Variants in SRSF11 observed in about 807,000 individuals in gnomAD.
SRSF11 encodes the protein serine and arginine rich splicing factor 11, also known as serine/arginine-rich splicing factor 11.
A neutral mutation model predicts 56.0 loss-of-function variants in SRSF11; 9 were observed. That is an observed-to-expected ratio of 0.16 (90% CI 0.10 to 0.28). The LOEUF is 0.28. Among genes scored for constraint, SRSF11 ranks in the 10% least tolerant of loss-of-function variants. SRSF11 has a pLI of 1.00. For synonymous variants in SRSF11, 222 were observed against 215.3 expected (o/e 1.03, Z -0.27); for missense variants, 421 against 600.7 (o/e 0.70, Z 3.13).
At chr1:70,230,816 A>AAT in intron 2 of SRSF11, 8 of 1,177,738 alleles carry the variant, frequency 6.8e-6, no homozygotes, top group Non-Finnish European at 7.4e-6. Flanking sequence ...GTTGATACTG[A>AAT]ATATATCCTC....
chr1:70,243,730 A>T (rs1676085328), intron 7 of SRSF11, among the ~76,000 whole-genome samples: 1 of 152,166 alleles, frequency 6.6e-6, no homozygotes, highest in Non-Finnish European at 1.5e-5. Context: ...TAAGCAAAGG[A>T]TTGCAACTTA....
chr1:70,224,370 C>T (rs1397898319), intron 1 of SRSF11, among the ~76,000 whole-genome samples: 1 of 152,166 alleles, frequency 6.6e-6, no homozygotes, highest in Non-Finnish European at 1.5e-5. Context: ...TCAGAGAAAA[C>T]TTCCCAGACC....
chr1:70,229,926 G>A lies in SRSF11; in HGVS notation c.337+1371G>A, dbSNP rs575780265. The A allele has an allele frequency of 1.1e-4, 107 of 985,310 alleles. No homozygotes were observed. In the African/African-American group the frequency reaches 1.7e-3, roughly 16 times the overall value. 61.0% of individuals were successfully genotyped at this position (985,310 alleles called of 1,614,324 possible). On this transcript the variant is annotated intron_variant, in intron 2 of 11. Coordinates refer to ENST00000370949, the MANE Select transcript of SRSF11 (RefSeq NM_001350605.2). Reference sequence around the variant, plus strand: ...ATAAATTTTTGAGTTAGTGTGTTTTGGTTAAGCAATTTCTTTTATGTCAGT... The same window carrying A: ...ATAAATTTTTGAGTTAGTGTGTTTTAGTTAAGCAATTTCTTTTATGTCAGT...
rs910012663 is a variant in SRSF11 at position 70,234,717 on chromosome 1, G to A, written c.469G>A (p.Ala157Thr). 1.6e-5 allele frequency: 25 copies of A among 1,607,362 alleles called. No individual in the cohort carries two copies. The highest frequency in any genetic ancestry group is 2.1e-5 in the Non-Finnish European group (25 of 1,177,396). ...ACAGATTGGCGCTGTTCCACTGGCT[G>A]CTTTGGGGGCTCCTACTCTTGATCC... is the stretch of plus-strand genomic sequence containing the variant. ...LTQIGAVPLA[A>T]LGAPTLDPAL... The change falls in exon 4 of 12, where the codon GCT (alanine) becomes ACT (threonine). Residue 157 changes from alanine (A) to threonine (T), a missense_variant. Ala to Thr is a moderately conservative substitution (Grantham distance 58). Transcript: ENST00000370949.
In SRSF11 at chr1:70,208,325, G is replaced by GGTGTGTGT. The variant is rs112343589; in HGVS notation, c.-26+2561_-26+2568dup. Among the ~76,000 whole-genome samples the GGTGTGTGT allele has an allele frequency of 2.3e-3, 340 of 148,730 alleles. 1 individual carries two copies. The highest frequency in any genetic ancestry group is 6.4e-3 in the South Asian group (30 of 4,684). On this transcript the variant is annotated intron_variant, in intron 1 of 12. Coordinates refer to the SRSF11 transcript ENST00000370950. ...TACTAGTTACTGTAATACAGTGTAT[G>GGTGTGTGT]GTGTGTGTGTGTGTGTGTGTGTGAG... is the stretch of plus-strand genomic sequence containing the variant.
At chr1:70,220,576 A>G (rs79073215), upstream of SRSF11, among the ~76,000 whole-genome samples, 90 of 152,364 alleles carry the variant, frequency 5.9e-4, no homozygotes, top group East Asian at 0.014. Flanking sequence ...GGCTGGGTGC[A>G]GTGGCTCACG....
chr1:70,250,900 T>C lies in SRSF11; in HGVS notation c.*95T>C. ...TGTATTTGTTCATCTCAAACCTAGATGTATACAGCTCTGAGTTATAAATGG... is the reference window on the plus strand; with the variant it reads ...TGTATTTGTTCATCTCAAACCTAGACGTATACAGCTCTGAGTTATAAATGG... On this transcript the variant is annotated 3_prime_UTR_variant, in exon 12 of 12. Coordinates refer to ENST00000370949, the MANE Select transcript of SRSF11 (RefSeq NM_001350605.2). 1 of 1,063,190 alleles carries C rather than the reference T, an allele frequency of 9.4e-7. No homozygotes were observed. Among genetic ancestry groups the C allele is most frequent in the South Asian group, 1.4e-5 (1 of 70,724 alleles). 65.9% of individuals were successfully genotyped at this position (1,063,190 alleles called of 1,614,324 possible). A position where few individuals can be genotyped will look rare whatever the true frequency, so the allele number is the denominator to read the frequency against.
intron 7 of SRSF11, among the ~76,000 whole-genome samples, chr1:70,244,104 C>T (rs1433456046): frequency 6.6e-6 from 1 of 152,016 alleles, no homozygotes; most frequent in Non-Finnish European, 1.5e-5. Context: ...CTGGAGTTTC[C>T]TAAATTGTGG....
In SRSF11 at chr1:70,249,957, G is replaced by T; in HGVS notation, c.1028G>T (p.Arg343Ile). The T allele has an allele frequency of 6.2e-7, 1 of 1,614,106 alleles. No homozygotes were observed. The highest frequency in any genetic ancestry group is 8.5e-7 in the Non-Finnish European group (1 of 1,179,998). ...TTGCACATTTGTGATTCTAGAGAGAGACGACGACGAAGAAGCAGGAGTGGC... is the reference window on the plus strand; with the variant it reads ...TTGCACATTTGTGATTCTAGAGAGATACGACGACGAAGAAGCAGGAGTGGC... ...ARRSRSASRERRRRRSRSGTR... is the reference protein window; with the variant it reads ...ARRSRSASREIRRRRSRSGTR... Residue 343 changes from arginine (R) to isoleucine (I), a missense_variant, in exon 10 of 12, where the codon AGA becomes ATA. Transcript: ENST00000370949.
rs571071338 is a variant in SRSF11, at chr1:70,239,101, G to A, written c.719-338G>A. ...ATTTGATGTGTTTTTTTGTTTGCTTGTTTTTGTTTTTGAGGGGTCTCACTC... is the reference window on the plus strand; with the variant it reads ...ATTTGATGTGTTTTTTTGTTTGCTTATTTTTGTTTTTGAGGGGTCTCACTC... On this transcript the variant is annotated intron_variant, in intron 6 of 11. Coordinates refer to ENST00000370949, the MANE Select transcript of SRSF11 (RefSeq NM_001350605.2). Among the ~76,000 whole-genome samples the A allele has an allele frequency of 8.5e-5, 13 of 152,178 alleles. No individual in the cohort carries two copies. The South Asian group carries it at 2.5e-3, about 29-fold the overall frequency.
rs117572463 is a variant in SRSF11 at position 70,221,867 on chromosome 1, T to C, written c.203+28T>C. 249 of 1,612,618 alleles carry C rather than the reference T, an allele frequency of 1.5e-4. No individual in the cohort carries two copies. The East Asian group carries it at 3.5e-3, about 23-fold the overall frequency. ...GAGTATCGTCCACCATCACTGTTCC[T>C]GCTAACGCCGCCTCAGCCTGGGCCT... On this transcript the variant is annotated intron_variant, in intron 1 of 11. Transcript: ENST00000370949.
intron 7 of SRSF11, among the ~76,000 whole-genome samples, chr1:70,240,856 A>G (rs1675221584): frequency 6.6e-6 from 1 of 150,660 alleles, no homozygotes; most frequent in African/African-American, 2.4e-5. Context: ...GCTCACCACA[A>G]CTTCCGCCTC....
chr1:70,213,720 C>T (rs908373566), intron 1 of SRSF11, among the ~76,000 whole-genome samples: 6 of 152,088 alleles, frequency 3.9e-5, no homozygotes, highest in African/African-American at 1.4e-4. Context: ...TTAGTATTCT[C>T]ACGTATTATC....
rs1208050813 is a variant in SRSF11 at position 70,221,451 on chromosome 1, C to T, written c.-186C>T. On this transcript the variant is annotated 5_prime_UTR_variant, in exon 1 of 12. Coordinates refer to ENST00000370949, the MANE Select transcript of SRSF11 (RefSeq NM_001350605.2). ...GGTCTCGAGCTCGCGCGCTCTCATC[C>T]CCTCCCCCGCGGCGTGCGGCGGGGC... 3.5e-6 allele frequency: 3 copies of T among 858,406 alleles called. No homozygotes were observed. The Admixed American group carries it at 7.8e-5, about 22-fold the overall frequency. The allele number at this position is 858,406 out of a possible 1,614,324, so 53.2% of individuals were successfully genotyped here. A position where few individuals can be genotyped will look rare whatever the true frequency, so the allele number is the denominator to read the frequency against.
At chr1:70,213,359 T>G (rs1477699198) in intron 1 of SRSF11, among the ~76,000 whole-genome samples, 1 of 152,236 alleles carries the variant, frequency 6.6e-6, no homozygotes, top group African/African-American at 2.4e-5. Context: ...AGTTTGAATA[T>G]TTAGCATTAA....
chr1:70,218,835 T>C (rs995875336), upstream of SRSF11: 1 of 152,216 alleles, frequency 6.6e-6, no homozygotes, highest in Non-Finnish European at 1.5e-5. Flanking sequence ...CAGTTAGTTA[T>C]ACAATCAGCC....
At chr1:70,210,809 A>T (rs950092107) in intron 1 of SRSF11, among the ~76,000 whole-genome samples, 6 of 152,028 alleles carry the variant, frequency 3.9e-5, no homozygotes, top group Non-Finnish European at 8.8e-5. Context: ...TTTCCCTCTT[A>T]TATGAGGGCT....
chr1:70,209,779 T>C (rs1462913758), intron 1 of SRSF11, among the ~76,000 whole-genome samples: 1 of 138,166 alleles, frequency 7.2e-6, no homozygotes, highest in African/African-American at 2.7e-5. Flanking sequence ...TTTTTTTTTT[T>C]GTAGAGATGA....
rs115384064 is a variant in SRSF11 at position 70,226,309 on chromosome 1, A to G, written c.204-2113A>G. On this transcript the variant is annotated intron_variant, in intron 1 of 11. Coordinates refer to ENST00000370949, the MANE Select transcript of SRSF11 (RefSeq NM_001350605.2). ...GCCATTTGAAGTGGAGAGAGATGAA[A>G]TTATATTTCTTATTCACAGTATTCA... Among the ~76,000 whole-genome samples the G allele has an allele frequency of 8.3e-3, 1,270 of 152,190 alleles. 18 individuals carry two copies. Among genetic ancestry groups the G allele is most frequent in the African/African-American group, 0.029 (1,202 of 41,524 alleles).
Sources: allele counts gnomAD v4.1 joint callset (sites outside exome capture counted in the v4.1 genomes callset), GRCh38; gene constraint gnomAD v4.1.1; transcripts MANE v1.5; gene names NCBI Gene and HGNC (gene_info 2026-07-23, HGNC 2026-07-21).